The following ST18 variants were observed in gnomAD, a reference collection of about 807,000 sequenced individuals.
ST18 encodes the protein suppression of tumorigenicity 18 protein.
ST18 carries 50 observed loss-of-function variants against 110.0 expected under a neutral mutation model. That is an observed-to-expected ratio of 0.45 (90% CI 0.36 to 0.58). The LOEUF is 0.58. Among genes scored for constraint, ST18 ranks in the 20% least tolerant of loss-of-function variants. ST18 has a pLI of 0.00. For synonymous variants in ST18, 461 were observed against 452.4 expected (o/e 1.02, Z -0.24); for missense variants, 1,306 against 1,280.1 (o/e 1.02, Z -0.31).
chr8:52,325,176 T>C (rs1444543993), intron 2 of ST18, among the ~76,000 whole-genome samples: 1 of 151,976 alleles, frequency 6.6e-6, no homozygotes, highest in Non-Finnish European at 1.5e-5. Context: ...ATCACAATGG[T>C]GGAGCTGCTG....
At chr8:52,140,191 A>T (rs1389197071) in intron 17 of ST18, among the ~76,000 whole-genome samples, 1 of 152,208 alleles carries the variant, frequency 6.6e-6, no homozygotes, top group Non-Finnish European at 1.5e-5. Context: ...CAACTCAGAC[A>T]CATGCAAATA....
At chr8:52,182,089 C>T (rs2069912982) in intron 8 of ST18, among the ~76,000 whole-genome samples, 1 of 152,022 alleles carries the variant, frequency 6.6e-6, no homozygotes, top group Non-Finnish European at 1.5e-5. Flanking sequence ...TTATCATGAG[C>T]CAAGATTTGT....
At chr8:52,292,381 ATG>A (rs72283228) in intron 2 of ST18, among the ~76,000 whole-genome samples, 42 of 150,668 alleles carry the variant, frequency 2.8e-4, no homozygotes, top group African/African-American at 6.3e-4. Context: ...GCATGCATGT[ATG>A]TGTGTGTGTG....
At chr8:52,359,844 G>T (rs1481471989) in intron 2 of ST18, among the ~76,000 whole-genome samples, 1 of 152,082 alleles carries the variant, frequency 6.6e-6, no homozygotes, top group African/African-American at 2.4e-5. Context: ...ATTAAATTTG[G>T]CTGCTACACA....
In ST18 at chr8:52,238,440, A is replaced by G. The variant is rs956188466; in HGVS notation, c.-464-8363T>C. Among the ~76,000 whole-genome samples the G allele has an allele frequency of 9.5e-4, 144 of 152,190 alleles. 1 individual carries two copies. The highest frequency in any genetic ancestry group is 1.2e-4 in the Non-Finnish European group (8 of 68,020). On this transcript the variant is annotated intron_variant, in intron 2 of 25. Transcript: ENST00000689386. ...ATAGAAAACAGTAAAGACATTTCTC[A>G]AAGAACTAAAAACAGAACTACCATT... is the stretch of plus-strand genomic sequence containing the variant.
At chr8:52,137,314 C>G in intron 18 of ST18, 107 bp downstream of exon 18, 1 of 1,159,176 alleles carries the variant, frequency 8.6e-7, no homozygotes, top group Non-Finnish European at 1.2e-6. Context: ...AAAACCCAAC[C>G]AACTCATTTC....
chr8:52,368,760 G>A (rs1041988095), intron 2 of ST18, among the ~76,000 whole-genome samples: 1 of 152,098 alleles, frequency 6.6e-6, no homozygotes, highest in African/African-American at 2.4e-5. Context: ...AAAATAGTGG[G>A]CAACAACTGT....
intron 2 of ST18, among the ~76,000 whole-genome samples, chr8:52,286,080 T>C (rs1362756689): frequency 6.6e-6 from 1 of 152,254 alleles, no homozygotes. Flanking sequence ...AAGGAGTTTG[T>C]TTTTGCCTTT....
At position 52,133,073 on chromosome 8, in the gene ST18, C is replaced by G; in HGVS notation, c.2428G>C (p.Glu810Gln). The change falls in exon 21 of 26, where the codon GAA becomes CAA. Residue 810 changes from glutamate to glutamine, a missense_variant. By Grantham distance (29) the Glu-to-Gln change is conservative (BLOSUM62 2). Coordinates refer to ENST00000689386, the MANE Select transcript of ST18 (RefSeq NM_001352837.2). ...VKMTPTKEEK[E>Q]DPELKCPVIG... ...TGCACTTACTTCAGTTCAGGGTCTT[C>G]TTTTTCTTCCTTGGTAGGGGTCATT... 6 of 1,614,180 alleles carry G rather than the reference C, an allele frequency of 3.7e-6. No homozygotes were observed. Among genetic ancestry groups the G allele is most frequent in the Non-Finnish European group, 4.2e-6 (5 of 1,180,014 alleles).
At chr8:52,258,933 G>T (rs1211380818) in intron 2 of ST18, among the ~76,000 whole-genome samples, 1 of 152,090 alleles carries the variant, frequency 6.6e-6, no homozygotes, top group Non-Finnish European at 1.5e-5. Context: ...CCCTACATTG[G>T]TGTAACCCCT....
intron 2 of ST18, among the ~76,000 whole-genome samples, chr8:52,259,476 G>T (rs896717305): frequency 6.6e-6 from 1 of 152,064 alleles, no homozygotes; most frequent in Non-Finnish European, 1.5e-5. Context: ...TATATTTATA[G>T]TCAATAAGAT....
intron 2 of ST18, among the ~76,000 whole-genome samples, chr8:52,278,150 T>C (rs928247665): frequency 2.0e-5 from 3 of 152,222 alleles, no homozygotes; most frequent in Non-Finnish European, 4.4e-5. Context: ...ATGCTGTGGA[T>C]TTTAATCTAA....
At chr8:52,206,055 G>A (rs1436070459) in intron 8 of ST18, among the ~76,000 whole-genome samples, 1 of 152,220 alleles carries the variant, frequency 6.6e-6, no homozygotes, top group Admixed American at 6.5e-5. Flanking sequence ...TGGCACGGCT[G>A]CAGGAGGTGC....
chr8:52,363,153 A>G, intron 2 of ST18, among the ~76,000 whole-genome samples: 1 of 152,182 alleles, frequency 6.6e-6, no homozygotes, highest in East Asian at 1.9e-4. Context: ...CAGAGCTTGC[A>G]GTGAGCCGAG....
At chr8:52,364,876 G>A (rs187560667) in intron 2 of ST18, among the ~76,000 whole-genome samples, 175 of 152,236 alleles carry the variant, frequency 1.1e-3, no homozygotes, top group African/African-American at 3.9e-3. Context: ...TTGAGAGGCC[G>A]AGGCGGGCAG....
At chr8:52,364,119 T>C (rs1266959830) in intron 2 of ST18, among the ~76,000 whole-genome samples, 2 of 152,224 alleles carry the variant, frequency 1.3e-5, no homozygotes, top group South Asian at 4.1e-4. Context: ...CTTCAGACAA[T>C]TTACCCTCTT....
chr8:52,384,640 G>A (rs991655062), intron 2 of ST18, among the ~76,000 whole-genome samples: 6 of 151,796 alleles, frequency 4.0e-5, no homozygotes, highest in African/African-American at 9.7e-5. Flanking sequence ...CACCTCCCCC[G>A]CCCTCCTAAC....
At chr8:52,121,583 G>C (rs1008560921) in intron 23 of ST18, among the ~76,000 whole-genome samples, 2 of 152,144 alleles carry the variant, frequency 1.3e-5, no homozygotes, top group African/African-American at 4.8e-5. Flanking sequence ...CCATGAGGTA[G>C]AAACATTTAT....
In ST18 at chr8:52,376,813, T is replaced by C. The variant is rs1192209758; in HGVS notation, c.-465+32515A>G. ...TGATCTGGGTGAATCTGAGGTTACA[T>C]GATCGAATTCTAAGGTAATACATGA... is the stretch of plus-strand genomic sequence containing the variant. On this transcript the variant is annotated intron_variant, in intron 2 of 25. Transcript: ENST00000689386. 5.3e-5 allele frequency among the ~76,000 whole-genome samples: 8 copies of C among 152,186 alleles called. No homozygotes were observed. The East Asian group carries it at 1.5e-3, about 29-fold the overall frequency.
Sources: gnomAD v4.1 joint callset for allele counts (sites outside exome capture counted in the v4.1 genomes callset) on GRCh38, gnomAD v4.1.1 for gene constraint, MANE v1.5 for transcripts, NCBI Gene and HGNC (gene_info 2026-07-23, HGNC 2026-07-21) for gene names.